Variants in TAS2R1 observed in about 807,000 individuals in gnomAD.
The protein encoded by TAS2R1 is taste receptor type 2 member 1.
For synonymous variants in TAS2R1, 141 were observed against 134.2 expected (o/e 1.05, Z -0.35); for missense variants, 370 against 353.4 (o/e 1.05, Z -0.38).
intron 1 of TAS2R1, among the ~76,000 whole-genome samples, chr5:9,681,531 C>CAAAAAA (rs10681888): frequency 4.2e-4 from 37 of 87,858 alleles, no homozygotes; most frequent in African/African-American, 9.9e-4. Flanking sequence ...CATGTTTCTG[C>CAAAAAA]AAAAAAAAAA....
chr5:9,835,390 C>T, the TAS2R1 span, among the ~76,000 whole-genome samples: 53,055 of 152,102 alleles, frequency 0.35, 9,451 homozygotes, highest in South Asian at 0.39. Flanking sequence ...GTCAGGTGAC[C>T]TAGACCCATT....
the TAS2R1 span, among the ~76,000 whole-genome samples, chr5:9,899,009 A>C: frequency 3.3e-3 from 504 of 152,318 alleles, 5 homozygotes; most frequent in African/African-American, 0.012. Context: ...TAAAATGCTA[A>C]CCGTGCCTAC....
the TAS2R1 span, among the ~76,000 whole-genome samples, chr5:9,896,178 C>G: frequency 6.6e-6 from 1 of 152,200 alleles, no homozygotes; most frequent in South Asian, 2.1e-4. Context: ...TGAGAGGTTT[C>G]TGCCTATCAG....
At chr5:9,725,519 C>A in the TAS2R1 span, among the ~76,000 whole-genome samples, 1 of 152,188 alleles carries the variant, frequency 6.6e-6, no homozygotes, top group Non-Finnish European at 1.5e-5. Context: ...ACCGGCGCTG[C>A]GCTCGATTTC....
intron 1 of TAS2R1, among the ~76,000 whole-genome samples, chr5:9,702,064 G>A (rs1366280484): frequency 3.9e-5 from 6 of 152,112 alleles, no homozygotes; most frequent in Admixed American, 3.9e-4. Context: ...AGAGCTGTAT[G>A]TTTTAGGTTC....
the TAS2R1 span, among the ~76,000 whole-genome samples, chr5:9,829,069 G>C: frequency 1.3e-5 from 2 of 152,162 alleles, no homozygotes; most frequent in Non-Finnish European, 2.9e-5. Context: ...ATCAACAATT[G>C]ATAAAGAACC....
At chr5:9,804,540 G>A in the TAS2R1 span, among the ~76,000 whole-genome samples, 1 of 152,050 alleles carries the variant, frequency 6.6e-6, no homozygotes, top group East Asian at 1.9e-4. Context: ...ATTATATCAA[G>A]TACTCTCTCA....
chr5:9,803,741 A>G, the TAS2R1 span, among the ~76,000 whole-genome samples: 5 of 152,192 alleles, frequency 3.3e-5, no homozygotes, highest in African/African-American at 9.7e-5. Context: ...TGCTACAAGG[A>G]GCTCTAAATC....
chr5:9,671,380 A>G (rs1740751211), intron 1 of TAS2R1, among the ~76,000 whole-genome samples: 1 of 152,166 alleles, frequency 6.6e-6, no homozygotes, highest in Admixed American at 6.6e-5. Context: ...TATGATTTAC[A>G]CCTAGAAAAT....
At chr5:9,893,593 A>G in the TAS2R1 span, among the ~76,000 whole-genome samples, 2 of 150,976 alleles carry the variant, frequency 1.3e-5, no homozygotes, top group African/African-American at 4.9e-5. Context: ...AAAGTAATAC[A>G]TACTTGTAAT....
chr5:9,830,609 A>ATG, the TAS2R1 span, among the ~76,000 whole-genome samples: 2 of 84,114 alleles, frequency 2.4e-5, no homozygotes, highest in African/African-American at 5.7e-5. Flanking sequence ...GCGCGCGCAC[A>ATG]CACACACACA....
the TAS2R1 span, among the ~76,000 whole-genome samples, chr5:9,812,114 C>A: frequency 6.6e-6 from 1 of 152,044 alleles, no homozygotes; most frequent in Non-Finnish European, 1.5e-5. Flanking sequence ...TAGCATAAAT[C>A]ACCATTATGT....
At chr5:9,662,147 C>A (rs1579772882) in intron 1 of TAS2R1, among the ~76,000 whole-genome samples, 1 of 152,146 alleles carries the variant, frequency 6.6e-6, no homozygotes, top group African/African-American at 2.4e-5. Flanking sequence ...GTAAGCAAGT[C>A]ACAAATCCAG....
At chr5:9,687,952 TA>T (rs1245951727) in intron 1 of TAS2R1, among the ~76,000 whole-genome samples, 2 of 152,220 alleles carry the variant, frequency 1.3e-5, no homozygotes, top group Admixed American at 1.3e-4. Flanking sequence ...ACACATTAAA[TA>T]AATGTGCCTG....
At chr5:9,674,704 T>G (rs1439590019) in intron 1 of TAS2R1, among the ~76,000 whole-genome samples, 1 of 152,180 alleles carries the variant, frequency 6.6e-6, no homozygotes, top group African/African-American at 2.4e-5. Context: ...TTCTTAATTA[T>G]ACTACTTTCT....
At chr5:9,840,102 T>G in the TAS2R1 span, among the ~76,000 whole-genome samples, 1 of 152,160 alleles carries the variant, frequency 6.6e-6, no homozygotes, top group Non-Finnish European at 1.5e-5. Flanking sequence ...GTATTTCAGC[T>G]GCATAAAGTT....
chr5:9,847,903 G>A, the TAS2R1 span, among the ~76,000 whole-genome samples: 19 of 152,130 alleles, frequency 1.2e-4, no homozygotes, highest in South Asian at 2.1e-4. Flanking sequence ...TGTGGTCCCC[G>A]GACCAGTGAA....
the TAS2R1 span, among the ~76,000 whole-genome samples, chr5:9,802,750 A>C: frequency 6.6e-6 from 1 of 152,108 alleles, no homozygotes; most frequent in Admixed American, 6.5e-5. Context: ...AAAATACAAA[A>C]AAATTAGCCG....
At chr5:9,847,035 A>C in the TAS2R1 span, among the ~76,000 whole-genome samples, 1 of 152,204 alleles carries the variant, frequency 6.6e-6, no homozygotes, top group Admixed American at 6.5e-5. Flanking sequence ...TGATTCCCAA[A>C]GCTACAGCCC....
Sources: allele counts gnomAD v4.1 joint callset (sites outside exome capture counted in the v4.1 genomes callset), GRCh38; gene constraint gnomAD v4.1.1; transcripts MANE v1.5; gene names NCBI Gene and HGNC (gene_info 2026-07-23, HGNC 2026-07-21).